The following FRAS1 variants were observed in gnomAD, a reference collection of about 807,000 sequenced individuals.
The protein encoded by FRAS1 is Fraser extracellular matrix complex subunit 1.
FRAS1 carries 290 observed loss-of-function variants against 435.2 expected under a neutral mutation model. That is an observed-to-expected ratio of 0.67 (90% CI 0.61 to 0.73). The LOEUF (loss-of-function observed/expected upper bound fraction) is 0.73. FRAS1 is among the 30% of genes least tolerant of loss of function. The pLI is 0.00. For synonymous variants in FRAS1, 1,800 were observed against 1,851.0 expected, an observed-to-expected ratio of 0.97 and a Z score of 0.71; for missense variants, 4,860 against 5,001.5, an observed-to-expected ratio of 0.97 and a Z score of 0.85.
At chr4:78,365,035 A>G (rs1167575012) in intron 22 of FRAS1, among the ~76,000 whole-genome samples, 1 of 152,224 alleles carries the variant, frequency 6.6e-6, no homozygotes, top group Non-Finnish European at 1.5e-5. Flanking sequence ...TAATGTTATT[A>G]CATTTAATAC....
rs749126411 is a variant in FRAS1 at position 78,438,620 on chromosome 4, C to T, written c.5268C>T (p.Pro1756=). 23 of 1,613,620 alleles carry T rather than the reference C, an allele frequency of 1.4e-5. No individual in the cohort carries two copies. Among genetic ancestry groups the T allele is most frequent in the Non-Finnish European group, 1.7e-5 (20 of 1,179,720 alleles). ...PEIWIQLNYL[P]SYGTLLRISG... ...TCTGGATTCAGTTAAATTATCTGCC[C>T]TCATATGGTACTCTCTTAAGAATCT... The change falls in exon 39 of 74, where the codon CCC becomes CCT. Residue 1756 remains proline, a synonymous_variant. Coordinates refer to ENST00000512123, the MANE Select transcript of FRAS1 (RefSeq NM_025074.7).
At position 78,387,783 on chromosome 4, in the gene FRAS1, A is replaced by G. The variant is rs897314413; in HGVS notation, c.3975+82A>G. ...TTGATATTATTTTATGATACTCACA[A>G]AGTTAAGATATGGGTAGTCATTCAC... is the stretch of plus-strand genomic sequence containing the variant. On this transcript the variant is annotated intron_variant, in intron 29 of 73. Coordinates refer to ENST00000512123, the MANE Select transcript of FRAS1 (RefSeq NM_025074.7). 10 of 930,748 alleles carry G rather than the reference A, an allele frequency of 1.1e-5. No homozygotes were observed. The African/African-American group carries it at 1.7e-4, about 15-fold the overall frequency. 57.7% of individuals were successfully genotyped at this position (930,748 alleles called of 1,614,324 possible).
At chr4:78,345,532 T>C (rs1293982544) in intron 20 of FRAS1, among the ~76,000 whole-genome samples, 1 of 106,112 alleles carries the variant, frequency 9.4e-6, no homozygotes, top group East Asian at 2.2e-4. Context: ...ATCTCTGTAT[T>C]TTTTTTCAAT....
At chr4:78,413,823 A>G (rs145004779) in intron 32 of FRAS1, among the ~76,000 whole-genome samples, 40 of 152,316 alleles carry the variant, frequency 2.6e-4, no homozygotes, top group Non-Finnish European at 5.0e-4. Context: ...CAAGGTGTCA[A>G]CTAAATTGGT....
chr4:78,513,981 A>G (rs1431037640), intron 65 of FRAS1, among the ~76,000 whole-genome samples: 1 of 152,244 alleles, frequency 6.6e-6, no homozygotes, highest in African/African-American at 2.4e-5. Flanking sequence ...TGAAGATGGT[A>G]TAGGATGAGT....
intron 2 of FRAS1, among the ~76,000 whole-genome samples, chr4:78,128,766 C>A (rs1719519582): frequency 6.6e-6 from 1 of 152,160 alleles, no homozygotes; most frequent in Non-Finnish European, 1.5e-5. Flanking sequence ...TAATGAGATC[C>A]CATTTGTCAA....
At chr4:78,101,691 TTA>T (rs1742140201) in intron 2 of FRAS1, among the ~76,000 whole-genome samples, 1 of 152,186 alleles carries the variant, frequency 6.6e-6, no homozygotes, top group Non-Finnish European at 1.5e-5. Context: ...TAATAACATA[TTA>T]TATTTTAGAG....
intron 15 of FRAS1, among the ~76,000 whole-genome samples, chr4:78,311,376 T>G (rs1220401136): frequency 6.6e-6 from 1 of 152,230 alleles, no homozygotes; most frequent in Non-Finnish European, 1.5e-5. Context: ...CAGTACATTT[T>G]TAACATGCAC....
chr4:78,519,115 C>G (rs1721305788), intron 66 of FRAS1, among the ~76,000 whole-genome samples: 2 of 152,214 alleles, frequency 1.3e-5, no homozygotes, highest in African/African-American at 4.8e-5. Context: ...AGCCTCTGCA[C>G]GTGACCCTGT....
At chr4:78,260,183 C>A (rs1041307698) in intron 6 of FRAS1, among the ~76,000 whole-genome samples, 8 of 151,530 alleles carry the variant, frequency 5.3e-5, no homozygotes, top group Admixed American at 1.3e-4. Context: ...CTTGGCAATG[C>A]GGGCTCTTTT....
At chr4:78,118,992 G>A (rs1201854972) in intron 2 of FRAS1, among the ~76,000 whole-genome samples, 2 of 150,748 alleles carry the variant, frequency 1.3e-5, no homozygotes, top group Non-Finnish European at 1.5e-5. Context: ...TATTGTGTAT[G>A]TAACTCTTTT....
At chr4:78,160,337 C>G (rs1487911553) in intron 2 of FRAS1, among the ~76,000 whole-genome samples, 1 of 152,150 alleles carries the variant, frequency 6.6e-6, no homozygotes, top group Non-Finnish European at 1.5e-5. Context: ...TTTAATTGGG[C>G]CCTCATAGTG....
At chr4:78,339,565 C>T (rs751828302) in intron 20 of FRAS1, among the ~76,000 whole-genome samples, 4 of 152,170 alleles carry the variant, frequency 2.6e-5, no homozygotes, top group Non-Finnish European at 4.4e-5. Context: ...TAACCAGGAT[C>T]CTGTGAGACA....
At chr4:78,498,875 T>A (rs2109873415) in intron 60 of FRAS1, among the ~76,000 whole-genome samples, 1 of 129,530 alleles carries the variant, frequency 7.7e-6, no homozygotes, top group South Asian at 2.8e-4. Context: ...TGAGATGGAG[T>A]TTTGCTTTGT....
chr4:78,285,901 C>T (rs1320668820), intron 13 of FRAS1, among the ~76,000 whole-genome samples: 3 of 152,180 alleles, frequency 2.0e-5, no homozygotes, highest in Non-Finnish European at 2.9e-5. Context: ...ATTATTCACT[C>T]CTCCATACTT....
Position 78,291,744 on chromosome 4 carries a change from G to C in FRAS1, c.1534+5205G>C, listed in dbSNP as rs529173265. Among the ~76,000 whole-genome samples the C allele has an allele frequency of 3.9e-5, 6 of 152,220 alleles. No individual in the cohort carries two copies. The South Asian group carries it at 1.2e-3, about 32-fold the overall frequency. On this transcript the variant is annotated intron_variant, in intron 14 of 73. Transcript: ENST00000512123. ...AGCTCACAGTCAAGGCAGGTTAGTTGTTGCTTATAGAGATGTAAAATAAAA... is the reference window on the plus strand; with the variant it reads ...AGCTCACAGTCAAGGCAGGTTAGTTCTTGCTTATAGAGATGTAAAATAAAA...
intron 4 of FRAS1, among the ~76,000 whole-genome samples, chr4:78,246,761 G>A (rs1381799821): frequency 2.0e-5 from 3 of 151,832 alleles, no homozygotes; most frequent in Non-Finnish European, 4.4e-5. Flanking sequence ...AAAAAAACCA[G>A]ACATATCAAA....
rs540924625 is a variant in FRAS1 at position 78,272,104 on chromosome 4, A to T, written c.981+4672A>T. Among the ~76,000 whole-genome samples the T allele has an allele frequency of 2.0e-5, 3 of 152,324 alleles. No individual in the cohort carries two copies. The East Asian group carries it at 5.8e-4, about 29-fold the overall frequency. On this transcript the variant is annotated intron_variant, in intron 9 of 73. Coordinates refer to ENST00000512123, the MANE Select transcript of FRAS1 (RefSeq NM_025074.7). ...TTTTTCATGTGTCTGTTGGCTGCATAAATGTCTTCTTTTGAGAAATGTCTG... is the reference window on the plus strand; with the variant it reads ...TTTTTCATGTGTCTGTTGGCTGCATTAATGTCTTCTTTTGAGAAATGTCTG...
chr4:78,206,359 G>A (rs991163877), intron 2 of FRAS1, among the ~76,000 whole-genome samples: 2 of 152,100 alleles, frequency 1.3e-5, no homozygotes, highest in Non-Finnish European at 2.9e-5. Flanking sequence ...AAGGAGACAG[G>A]TTCTCCCCTC....
Sources: gnomAD v4.1 joint callset for allele counts (sites outside exome capture counted in the v4.1 genomes callset) on GRCh38, gnomAD v4.1.1 for gene constraint, MANE v1.5 for transcripts, NCBI Gene and HGNC (gene_info 2026-07-23, HGNC 2026-07-21) for gene names.